FABP2: variants seen among roughly 807,000 people sequenced by gnomAD.
FABP2 encodes fatty acid binding protein 2, also known as fatty acid-binding protein, intestinal.
In FABP2, 11 loss-of-function variants were observed where a neutral mutation model predicts 16.1. The observed-to-expected ratio is 0.68, with a 90% CI of 0.43 to 1.13. The LOEUF (loss-of-function observed/expected upper bound fraction) is 1.13. Among genes scored for constraint, FABP2 ranks in the 50% most tolerant of loss-of-function variants. The pLI is 0.00. For synonymous variants in FABP2, 45 were observed against 50.9 expected (o/e 0.88, Z 0.49); for missense variants, 146 against 155.1 (o/e 0.94, Z 0.31).
rs1351784397 is a variant in FABP2, at chr4:119,319,612, A to G, written c.272T>C (p.Ile91Thr). 3 of 1,525,632 alleles carry G rather than the reference A, an allele frequency of 2.0e-6. No individual in the cohort carries two copies. Among genetic ancestry groups the G allele is most frequent in the Non-Finnish European group, 2.6e-6 (3 of 1,136,418 alleles). The allele number at this position is 1,525,632 out of a possible 1,614,324, so 94.5% of individuals were successfully genotyped here. A position where few individuals can be genotyped will look rare whatever the true frequency, so the allele number is the denominator to read the frequency against. Reference protein sequence around the residue: ...GTWSLEGNKLIGKFKRTDNGN... With the variant: ...GTWSLEGNKLTGKFKRTDNGN... ...ATTGTCTGTCCGTTTGAATTTTCCA[A>G]TAAGTTTATTTCCCTCAAGGCTCCA... is the stretch of plus-strand genomic sequence containing the variant. Residue 91 changes from isoleucine (I) to threonine (T), a missense_variant, in exon 3 of 4, where the codon ATT (isoleucine) becomes ACT (threonine). Coordinates refer to ENST00000274024, the MANE Select transcript of FABP2 (RefSeq NM_000134.4).
At chr4:119,321,963 G>C in intron 1 of FABP2, 73 bp downstream of exon 1, 1 of 1,209,796 alleles carries the variant, frequency 8.3e-7, no homozygotes, top group Non-Finnish European at 1.2e-6. Context: ...TAATCTCCTA[G>C]AGATTTAGGA....
At position 119,322,068 on chromosome 4, in the gene FABP2, C is replaced by T. The variant is rs773013477; in HGVS notation, c.35G>A (p.Ser12Asn). ...TTCCATGAACTTGTCATAGTTTTCA[C>T]TCCGGTCTACCTTCCAAGTGCTGTC... ...AFDSTWKVDR[S>N]ENYDKFMEKM... The change falls in exon 1 of 4, where the codon AGT becomes AAT. Residue 12 changes from serine (S) to asparagine (N), a missense_variant. Transcript: ENST00000274024. The T allele has an allele frequency of 5.0e-6, 8 of 1,613,506 alleles. No individual in the cohort carries two copies. In the Admixed American group the frequency reaches 6.7e-5, roughly 13 times the overall value.
At chr4:119,319,410 A>T (rs995095959) in intron 3 of FABP2, 126 bp downstream of exon 3, 16 of 546,178 alleles carry the variant, frequency 2.9e-5, no homozygotes, top group Non-Finnish European at 5.1e-5. Flanking sequence ...CAATATTTTT[A>T]AAATCAGTAA....
Position 119,319,659 on chromosome 4 carries a change from A to C in FABP2, c.241-16T>G, listed in dbSNP as rs1416564770. 1.5e-5 allele frequency: 15 copies of C among 1,006,014 alleles called. 1 individual carries two copies. Among genetic ancestry groups the C allele is most frequent in the Non-Finnish European group, 2.0e-5 (15 of 749,854 alleles). The allele number at this position is 1,006,014 out of a possible 1,614,324, so 62.3% of individuals were successfully genotyped here. A position where few individuals can be genotyped will look rare whatever the true frequency, so the allele number is the denominator to read the frequency against. ...TCCAGGTCCCCTACATAATAATAAT[A>C]ATAATAATAATAATAATAATGGCAT... On this transcript the variant is annotated splice_polypyrimidine_tract_variant and intron_variant, in intron 2 of 3. Transcript: ENST00000274024.
Position 119,320,821 on chromosome 4 carries a change from T to G in FABP2, c.89A>C (p.Lys30Thr). 1 of 1,594,912 alleles carries G rather than the reference T, an allele frequency of 6.3e-7. No homozygotes were observed. Among genetic ancestry groups the G allele is most frequent in the Non-Finnish European group, 8.5e-7 (1 of 1,173,846 alleles). ...EKMGVNIVKR[K>T]LAAHDNLKLT... ...CTTCAAATTGTCATGAGCTGCAAGC[T>G]TCCTTTTCACTATATTAACACCTGT... is the stretch of plus-strand genomic sequence containing the variant. Residue 30 changes from lysine to threonine, a missense_variant, in exon 2 of 4, where the codon AAG (lysine) becomes ACG (threonine). Coordinates refer to ENST00000274024, the MANE Select transcript of FABP2 (RefSeq NM_000134.4).
At position 119,318,875 on chromosome 4, in the gene FABP2, A is replaced by T. The variant is rs1315958916; in HGVS notation, c.*166T>A. On this transcript the variant is annotated 3_prime_UTR_variant, in exon 4 of 4. Transcript: ENST00000274024. ...AGAATATAAAACAAATTAAATCCTA[A>T]TTAGCTTTTACTTCTTTTGCTTTGG... 1 of 488,432 alleles carries T rather than the reference A, an allele frequency of 2.0e-6. No homozygotes were observed. The highest frequency in any genetic ancestry group is 4.1e-5 in the Admixed American group (1 of 24,164). The allele number at this position is 488,432 out of a possible 1,614,324, so 30.3% of individuals were successfully genotyped here.
Position 119,318,761 on chromosome 4 carries a change from G to A in FABP2, c.*280C>T. 6.8e-6 allele frequency: 2 copies of A among 295,240 alleles called. No individual in the cohort carries two copies. The highest frequency in any genetic ancestry group is 1.5e-4 in the East Asian group (2 of 13,772). The allele number at this position is 295,240 out of a possible 1,614,324, so 18.3% of individuals were successfully genotyped here. A position where few individuals can be genotyped will look rare whatever the true frequency, so the allele number is the denominator to read the frequency against. On this transcript the variant is annotated 3_prime_UTR_variant, in exon 4 of 4. Coordinates refer to ENST00000274024, the MANE Select transcript of FABP2 (RefSeq NM_000134.4). ...TATTCACATACTTTTTCTTTTAAAA[G>A]GCAAGGCTACATATAAAGCAACATG...
rs1192699355 is a variant in FABP2, at chr4:119,319,714, G to C, written c.241-71C>G. ...TAGGGTCTTACACATGTCAGGCACTGTTCTGAGTTCTGTAGACACACTTTT... is the reference window on the plus strand; with the variant it reads ...TAGGGTCTTACACATGTCAGGCACTCTTCTGAGTTCTGTAGACACACTTTT... On this transcript the variant is annotated intron_variant, in intron 2 of 3. Transcript: ENST00000274024. 6 of 619,662 alleles carry C rather than the reference G, an allele frequency of 9.7e-6. No individual in the cohort carries two copies. The East Asian group carries it at 2.2e-4, about 23-fold the overall frequency. 38.4% of individuals were successfully genotyped at this position (619,662 alleles called of 1,614,324 possible). A position where few individuals can be genotyped will look rare whatever the true frequency, so the allele number is the denominator to read the frequency against.
Position 119,319,594 on chromosome 4 carries a change from G to A in FABP2, c.290C>T (p.Thr97Ile). The change falls in exon 3 of 4, where the codon ACA (threonine) becomes ATA (isoleucine). Residue 97 changes from threonine (T) to isoleucine (I), a missense_variant. Physicochemically the swap from Thr to Ile is moderately conservative, Grantham distance 89 (BLOSUM62 -1). Coordinates refer to ENST00000274024, the MANE Select transcript of FABP2 (RefSeq NM_000134.4). ...GNKLIGKFKR[T>I]DNGNELNTVR... Reference sequence around the variant, plus strand: ...AGTATTCAGTTCGTTTCCATTGTCTGTCCGTTTGAATTTTCCAATAAGTTT... The same window carrying A: ...AGTATTCAGTTCGTTTCCATTGTCTATCCGTTTGAATTTTCCAATAAGTTT... 1 of 1,538,044 alleles carries A rather than the reference G, an allele frequency of 6.5e-7. No homozygotes were observed. Among genetic ancestry groups the A allele is most frequent in the Admixed American group, 1.9e-5 (1 of 51,532 alleles).
At chr4:119,320,888 G>A (rs752586092) in intron 1 of FABP2, 46 bp from the exon 2 acceptor site, 2 of 1,441,442 alleles carry the variant, frequency 1.4e-6, no homozygotes, top group South Asian at 1.4e-5. Context: ...AATCCCATAG[G>A]AAGTGTTTAT....
intron 2 of FABP2, among the ~76,000 whole-genome samples, chr4:119,320,105 A>C (rs1755641734): frequency 6.6e-6 from 1 of 152,112 alleles, no homozygotes. Flanking sequence ...TTCAGTAGTT[A>C]AATTGTCATT....
intron 3 of FABP2, among the ~76,000 whole-genome samples, 176 bp from the exon 4 acceptor site, chr4:119,319,267 A>T (rs1755626906): frequency 6.6e-6 from 1 of 151,712 alleles, no homozygotes; most frequent in Admixed American, 6.6e-5. Context: ...AGCAAGATTT[A>T]TACAGATATG....
In FABP2 at chr4:119,318,847, TA is replaced by T. The variant is rs140294449; in HGVS notation, c.*193del. ...AAATTCTTTTAGTAAATATATATCT[TA>T]GAGAATATAAAACAAATTAAATCCT... is the stretch of plus-strand genomic sequence containing the variant. On this transcript the variant is annotated 3_prime_UTR_variant, in exon 4 of 4. Transcript: ENST00000274024. The T allele has an allele frequency of 2.2e-3, 945 of 438,798 alleles. 10 individuals are homozygous for T. The highest frequency in any genetic ancestry group is 0.018 in the African/African-American group (881 of 48,264). The allele number at this position is 438,798 out of a possible 1,614,324, so 27.2% of individuals were successfully genotyped here.
In FABP2 at chr4:119,319,525, T is replaced by C; in HGVS notation, c.348+11A>G. ...TGCCTTTTGAAAATAGCTATAAATT[T>C]GACAACTCACCTGGACTAGTTCATC... On this transcript the variant is annotated intron_variant, in intron 3 of 3. Coordinates refer to ENST00000274024, the MANE Select transcript of FABP2 (RefSeq NM_000134.4). The C allele has an allele frequency of 6.5e-7, 1 of 1,534,362 alleles. No individual in the cohort carries two copies. Among genetic ancestry groups the C allele is most frequent in the Admixed American group, 1.8e-5 (1 of 54,902 alleles).
Position 119,319,649 on chromosome 4 carries a change from T to TAAC in FABP2, c.241-7_241-6insGTT, listed in dbSNP as rs1418730804. 8 of 755,348 alleles carry TAAC rather than the reference T, an allele frequency of 1.1e-5. No homozygotes were observed. The highest frequency in any genetic ancestry group is 1.4e-5 in the Non-Finnish European group (8 of 576,122). The allele number at this position is 755,348 out of a possible 1,614,324, so 46.8% of individuals were successfully genotyped here. A position where few individuals can be genotyped will look rare whatever the true frequency, so the allele number is the denominator to read the frequency against. On this transcript the variant is annotated splice_polypyrimidine_tract_variant and splice_region_variant and intron_variant, in intron 2 of 3. Transcript: ENST00000274024. ...CCCTCAAGGCTCCAGGTCCCCTACA[T>TAAC]AATAATAATAATAATAATAATAATA...
rs1755678527 is a variant in FABP2, at chr4:119,322,069, T to C, written c.34A>G (p.Ser12Gly). The C allele has an allele frequency of 6.2e-7, 1 of 1,613,554 alleles. No homozygotes were observed. The highest frequency in any genetic ancestry group is 8.5e-7 in the Non-Finnish European group (1 of 1,179,738). Residue 12 changes from serine (S) to glycine (G), a missense_variant, in exon 1 of 4, where the codon AGT becomes GGT. Coordinates refer to ENST00000274024, the MANE Select transcript of FABP2 (RefSeq NM_000134.4). ...AFDSTWKVDR[S>G]ENYDKFMEKM... ...TCCATGAACTTGTCATAGTTTTCAC[T>C]CCGGTCTACCTTCCAAGTGCTGTCA...
chr4:119,319,448 T>C, intron 3 of FABP2, 88 bp downstream of exon 3: 2 of 718,334 alleles, frequency 2.8e-6, no homozygotes, highest in Non-Finnish European at 4.8e-6. Flanking sequence ...GTAGTCAGTT[T>C]ACTGAAGATC....
At chr4:119,319,849 T>C (rs1280314655) in intron 2 of FABP2, among the ~76,000 whole-genome samples, 2 of 151,938 alleles carry the variant, frequency 1.3e-5, no homozygotes, top group African/African-American at 2.4e-5. Context: ...AGAGTGAGGA[T>C]TGAACCTAGG....
intron 3 of FABP2, 47 bp downstream of exon 3, chr4:119,319,489 G>A (rs755634141): frequency 1.3e-5 from 14 of 1,110,286 alleles, no homozygotes; most frequent in Admixed American, 1.9e-5. Flanking sequence ...TTATTGTTTT[G>A]TAGTAATTTT....
Sources: allele counts gnomAD v4.1 joint callset (sites outside exome capture counted in the v4.1 genomes callset), GRCh38; gene constraint gnomAD v4.1.1; transcripts MANE v1.5; gene names NCBI Gene and HGNC (gene_info 2026-07-23, HGNC 2026-07-21).